R3HDM2: variants seen among roughly 807,000 people sequenced by gnomAD.
R3HDM2 encodes R3H domain containing 2.
A neutral mutation model predicts 124.5 loss-of-function variants in R3HDM2; 38 were observed. The observed-to-expected ratio is 0.31, with a 90% confidence interval of 0.24 to 0.40. The LOEUF (loss-of-function observed/expected upper bound fraction) is 0.40, where lower values mean the gene tolerates loss of function less well. Among genes scored for constraint, R3HDM2 ranks in the 10% least tolerant of loss-of-function variants. The probability of loss-of-function intolerance (pLI) is 1.00; values close to 1 mark genes in which losing one functional copy is unlikely to be tolerated. For missense variants in R3HDM2, 869 were observed against 1,236.9 expected (o/e 0.70, Z 4.46); for synonymous variants, 391 against 448.0 (o/e 0.87, Z 1.61).
chr12:57,264,072 T>C (rs914019280), intron 19 of R3HDM2, among the ~76,000 whole-genome samples: 2 of 150,414 alleles, frequency 1.3e-5, no homozygotes, highest in African/African-American at 4.9e-5. Context: ...GTGAACGCCG[T>C]CTCTACTAAA....
chr12:57,333,739 G>A (rs193147982), intron 2 of R3HDM2, among the ~76,000 whole-genome samples: 1 of 151,078 alleles, frequency 6.6e-6, no homozygotes, highest in East Asian at 2.0e-4. Context: ...AAGGAGGGAG[G>A]AAGGAAGGAA....
At chr12:57,278,622 G>T (rs1019251590) in intron 14 of R3HDM2, among the ~76,000 whole-genome samples, 1 of 152,138 alleles carries the variant, frequency 6.6e-6, no homozygotes, top group African/African-American at 2.4e-5. Context: ...CACAGACAGA[G>T]AAAAGTACAC....
intron 1 of R3HDM2, among the ~76,000 whole-genome samples, chr12:57,429,781 A>G (rs900269994): frequency 6.6e-6 from 1 of 151,550 alleles, no homozygotes; most frequent in Non-Finnish European, 1.5e-5. Flanking sequence ...TGGGGGGGGA[A>G]TATTGGTGGA....
chr12:57,272,534 G>C, intron 14 of R3HDM2: 1 of 1,545,726 alleles, frequency 6.5e-7, no homozygotes, highest in South Asian at 1.2e-5. Flanking sequence ...GCTGCGGAGA[G>C]GGCTGCAGAG....
At chr12:57,309,431 C>T (rs954671712) in intron 3 of R3HDM2, among the ~76,000 whole-genome samples, 3 of 152,192 alleles carry the variant, frequency 2.0e-5, no homozygotes, top group Non-Finnish European at 4.4e-5. Context: ...AAGAACCCCA[C>T]AAGGAAGTTT....
At chr12:57,412,387 C>CA (rs1555316781) in intron 1 of R3HDM2, among the ~76,000 whole-genome samples, 1 of 151,400 alleles carries the variant, frequency 6.6e-6, no homozygotes, top group Non-Finnish European at 1.5e-5. Context: ...ACTAAAAATA[C>CA]AAAAAAATTA....
intron 1 of R3HDM2, among the ~76,000 whole-genome samples, chr12:57,398,733 C>G (rs892570618): frequency 6.6e-6 from 1 of 152,174 alleles, no homozygotes; most frequent in African/African-American, 2.4e-5. Flanking sequence ...AAGTGATCCG[C>G]CCACCTCAGC....
intron 2 of R3HDM2, among the ~76,000 whole-genome samples, chr12:57,342,644 A>G (rs1224408991): frequency 6.6e-6 from 1 of 152,222 alleles, no homozygotes; most frequent in African/African-American, 2.4e-5. Context: ...TTTCTGCTAC[A>G]TATGTCGAAA....
intron 2 of R3HDM2, among the ~76,000 whole-genome samples, chr12:57,393,480 T>TAACAA (rs1174736191): frequency 6.6e-6 from 1 of 151,890 alleles, no homozygotes; most frequent in East Asian, 1.9e-4. Context: ...ACCTCATCTC[T>TAACAA]AACAAAATAA....
chr12:57,345,416 G>A (rs192167820), intron 2 of R3HDM2, among the ~76,000 whole-genome samples: 2 of 151,778 alleles, frequency 1.3e-5, no homozygotes, highest in East Asian at 1.9e-4. Flanking sequence ...CACAAAAAGA[G>A]AAAAAATCTT....
chr12:57,271,437 T>TTCAC lies in R3HDM2; in HGVS notation c.1345-1444_1345-1443insGTGA, dbSNP rs1555214547. On this transcript the variant is annotated intron_variant, in intron 14 of 23. Coordinates refer to ENST00000402412, the MANE Select transcript of R3HDM2 (RefSeq NM_001394031.1). ...TTCCCTTCTGCTCCCTGGACAGTAA[T>TTCAC]ACACACACACACACACACACACACG... Among the ~76,000 whole-genome samples the TTCAC allele has an allele frequency of 2.0e-5, 3 of 149,522 alleles. No individual in the cohort carries two copies. The East Asian group carries it at 5.9e-4, about 29-fold the overall frequency.
intron 2 of R3HDM2, among the ~76,000 whole-genome samples, chr12:57,369,067 G>C (rs1397591720): frequency 1.3e-5 from 2 of 152,144 alleles, no homozygotes; most frequent in Non-Finnish European, 2.9e-5. Flanking sequence ...ACCTCAGATA[G>C]TTTTCCTCCT....
chr12:57,358,801 T>A (rs1250080846), intron 2 of R3HDM2, among the ~76,000 whole-genome samples: 3 of 152,194 alleles, frequency 2.0e-5, no homozygotes, highest in Non-Finnish European at 4.4e-5. Context: ...GATTTGTGTT[T>A]TACTTATTCT....
intron 2 of R3HDM2, among the ~76,000 whole-genome samples, chr12:57,367,300 T>C (rs1017326549): frequency 6.6e-6 from 1 of 152,218 alleles, no homozygotes; most frequent in African/African-American, 2.4e-5. Flanking sequence ...GAAAGTTCAA[T>C]AGAACTTTCT....
intron 22 of R3HDM2, 146 bp downstream of exon 22, chr12:57,256,268 C>T (rs2038969949): frequency 1.4e-5 from 12 of 880,278 alleles, no homozygotes; most frequent in Non-Finnish European, 2.1e-5. Context: ...GGGTGGGAGA[C>T]ATGAGTATAG....
At chr12:57,396,384 T>C (rs1277772589) in intron 1 of R3HDM2, among the ~76,000 whole-genome samples, 1 of 151,786 alleles carries the variant, frequency 6.6e-6, no homozygotes, top group East Asian at 1.9e-4. Context: ...GAGGTTGCAG[T>C]GAGCCGAGAT....
chr12:57,351,223 C>T (rs2060644517), intron 2 of R3HDM2, among the ~76,000 whole-genome samples: 1 of 152,070 alleles, frequency 6.6e-6, no homozygotes, highest in African/African-American at 2.4e-5. Context: ...GCCGTGATGG[C>T]ACCACTGTAC....
chr12:57,366,365 T>A (rs1044523053), intron 2 of R3HDM2, among the ~76,000 whole-genome samples: 2 of 152,232 alleles, frequency 1.3e-5, no homozygotes, highest in Admixed American at 1.3e-4. Flanking sequence ...TCATTTGCTA[T>A]GTCTTCAAGT....
At chr12:57,343,351 A>C (rs1424648815) in intron 2 of R3HDM2, among the ~76,000 whole-genome samples, 2 of 151,836 alleles carry the variant, frequency 1.3e-5, no homozygotes, top group African/African-American at 4.8e-5. Flanking sequence ...CACCAGGCCC[A>C]GCTAATTTTG....
Sources: gnomAD v4.1 joint callset for allele counts (sites outside exome capture counted in the v4.1 genomes callset) on GRCh38, gnomAD v4.1.1 for gene constraint, MANE v1.5 for transcripts, NCBI Gene and HGNC (gene_info 2026-07-23, HGNC 2026-07-21) for gene names.